The following LRFN2 variants were observed in gnomAD, a reference collection of about 807,000 sequenced individuals.
LRFN2 encodes the protein leucine-rich repeat and fibronectin type-III domain-containing protein 2.
A neutral mutation model predicts 37.3 loss-of-function variants in LRFN2; 18 were observed. That is an observed-to-expected ratio of 0.48 (90% CI 0.33 to 0.72). The LOEUF (loss-of-function observed/expected upper bound fraction) is 0.72. Ranked by LOEUF, LRFN2 falls within the 30% of genes least tolerant of loss-of-function variation. The pLI is 0.02. For missense variants in LRFN2, 1,006 were observed against 1,060.7 expected (o/e 0.95, Z 0.72); for synonymous variants, 556 against 466.6 (o/e 1.19, Z -2.47).
Position 40,433,062 on chromosome 6 carries a change from C to G in LRFN2, c.52G>C (p.Val18Leu), listed in dbSNP as rs1410463203. Residue 18 changes from valine to leucine, a missense_variant, in exon 2 of 3, where the codon GTC becomes CTC. Physicochemically the swap from Val to Leu is conservative, Grantham distance 32 (BLOSUM62 1). Coordinates refer to ENST00000338305, the MANE Select transcript of LRFN2 (RefSeq NM_020737.3). ...ACACAGTACTTGGGGCAGGCGTCGA[C>G]CACGGCAAACGCCATGCCAAACGCT... is the stretch of plus-strand genomic sequence containing the variant. Reference protein sequence around the residue: ...LLAFGMAFAVVDACPKYCVCQ... With the variant: ...LLAFGMAFAVLDACPKYCVCQ... 3 of 1,549,556 alleles carry G rather than the reference C, an allele frequency of 1.9e-6. No individual in the cohort carries two copies. The highest frequency in any genetic ancestry group is 1.3e-5 in the South Asian group (1 of 79,516).
chr6:40,523,364 C>A (rs533649032), intron 1 of LRFN2, among the ~76,000 whole-genome samples: 25 of 152,240 alleles, frequency 1.6e-4, no homozygotes, highest in Middle Eastern at 3.4e-3. Flanking sequence ...ATGGGGCACA[C>A]CCCACCCACG....
intron 1 of LRFN2, among the ~76,000 whole-genome samples, chr6:40,583,843 T>C (rs982550870): frequency 6.6e-6 from 1 of 151,732 alleles, no homozygotes; most frequent in Non-Finnish European, 1.5e-5. Context: ...CTTGGGGGAG[T>C]GGGCAACAGA....
At chr6:40,427,584 T>C (rs1340826152) in intron 2 of LRFN2, among the ~76,000 whole-genome samples, 1 of 152,236 alleles carries the variant, frequency 6.6e-6, no homozygotes, top group Non-Finnish European at 1.5e-5. Flanking sequence ...CCTGAAGACA[T>C]GGTTCAATGA....
At chr6:40,539,239 G>A (rs979511206) in intron 1 of LRFN2, among the ~76,000 whole-genome samples, 5 of 152,152 alleles carry the variant, frequency 3.3e-5, no homozygotes, top group Admixed American at 1.3e-4. Context: ...TTCCTAAACA[G>A]AGCCTTGAAG....
In LRFN2 at chr6:40,532,687, A is replaced by T. The variant is rs576850246; in HGVS notation, c.-19+54254T>A. Among the ~76,000 whole-genome samples, 4 of 152,292 alleles carry T rather than the reference A, an allele frequency of 2.6e-5. No individual in the cohort carries two copies. The South Asian group carries it at 8.3e-4, about 32-fold the overall frequency. ...CCGGATTTCCCAGTCAGAATTAATTAATCTCTCCTCCGTGCACTTTTTCTG... is the reference window on the plus strand; with the variant it reads ...CCGGATTTCCCAGTCAGAATTAATTTATCTCTCCTCCGTGCACTTTTTCTG... On this transcript the variant is annotated intron_variant, in intron 1 of 2. Coordinates refer to ENST00000338305, the MANE Select transcript of LRFN2 (RefSeq NM_020737.3).
chr6:40,497,281 C>T (rs1247213841), intron 1 of LRFN2, among the ~76,000 whole-genome samples: 2 of 152,176 alleles, frequency 1.3e-5, no homozygotes, highest in Non-Finnish European at 2.9e-5. Context: ...TTCTCACCCA[C>T]TGAGGACCCT....
intron 1 of LRFN2, among the ~76,000 whole-genome samples, chr6:40,548,706 G>T (rs1208895726): frequency 6.6e-6 from 1 of 152,182 alleles, no homozygotes; most frequent in African/African-American, 2.4e-5. Flanking sequence ...GGTCCTATCA[G>T]AGTGAAGCTC....
chr6:40,393,164 C>T (rs184707926), intron 2 of LRFN2, among the ~76,000 whole-genome samples: 142 of 150,252 alleles, frequency 9.5e-4, no homozygotes, highest in Non-Finnish European at 1.7e-3. Context: ...AGGCAGGCAA[C>T]AGGAATAGGG....
chr6:40,552,478 G>T (rs1766794236), intron 1 of LRFN2, among the ~76,000 whole-genome samples: 1 of 152,176 alleles, frequency 6.6e-6, no homozygotes, highest in Non-Finnish European at 1.5e-5. Flanking sequence ...CCTGTCACCT[G>T]TGGAAACTGG....
chr6:40,473,279 T>G (rs1764642519), intron 1 of LRFN2, among the ~76,000 whole-genome samples: 1 of 152,160 alleles, frequency 6.6e-6, no homozygotes, highest in East Asian at 1.9e-4. Context: ...TCCTCCCAGC[T>G]TAAATGTCAT....
At chr6:40,517,256 C>A (rs935023073) in intron 1 of LRFN2, 3 of 152,120 alleles carry the variant, frequency 2.0e-5, no homozygotes, top group South Asian at 2.1e-4. Context: ...GACCTCTGTA[C>A]CAAGTAGAAG....
In LRFN2 at chr6:40,392,583, G is replaced by T; in HGVS notation, c.1730C>A (p.Ser577Ter). ...CGGTGGCTGGGCGCCGTTGGTCTGC[G>T]AGTACACATTGCTCACGGCCGCTGC... ...KMAAAVSNVY[S>*]QTNGAQPPPP... Residue 577 changes from serine (S) to a stop codon, truncating the protein, a stop_gained, in exon 3 of 3, where the codon TCG becomes TAG. Transcript: ENST00000338305. LOFTEE classifies it high-confidence loss of function. The surrounding 1 kb of genome is among the most constrained non-coding windows in gnomAD (Gnocchi z 4.7). 1 of 1,607,696 alleles carries T rather than the reference G, an allele frequency of 6.2e-7. No individual in the cohort carries two copies. The highest frequency in any genetic ancestry group is 8.5e-7 in the Non-Finnish European group (1 of 1,179,820).
intron 1 of LRFN2, among the ~76,000 whole-genome samples, chr6:40,480,057 G>C (rs1327131708): frequency 6.6e-6 from 1 of 152,204 alleles, no homozygotes; most frequent in African/African-American, 2.4e-5. Flanking sequence ...AAGGATAAAA[G>C]TGAACACTGA....
intron 1 of LRFN2, among the ~76,000 whole-genome samples, chr6:40,471,242 A>G (rs1764589372): frequency 6.6e-6 from 1 of 152,178 alleles, no homozygotes; most frequent in African/African-American, 2.4e-5. Context: ...TAGAAGGTAC[A>G]GGAAGGCAAC....
In LRFN2 at chr6:40,583,382, T is replaced by A. The variant is rs846530; in HGVS notation, c.-19+3559A>T. 6.1e-3 allele frequency among the ~76,000 whole-genome samples: 936 copies of A among 152,246 alleles called. 10 individuals are homozygous for A. Among genetic ancestry groups the A allele is most frequent in the African/African-American group, 0.021 (884 of 41,562 alleles). ...CCCACCCAATTATGTGAACCACAACTGCCCTGTTTCTGCAGGTTCTTAACA... is the reference window on the plus strand; with the variant it reads ...CCCACCCAATTATGTGAACCACAACAGCCCTGTTTCTGCAGGTTCTTAACA... On this transcript the variant is annotated intron_variant, in intron 1 of 2. Transcript: ENST00000338305.
rs146867135 is a variant in LRFN2 at position 40,397,477 on chromosome 6, G to A, written c.1401-4565C>T. The stretch of plus-strand genomic sequence containing the variant: ...CCTAAAACACAACTCTGGCTGTGTC[G>A]CCTGCCCACTGAGATGCTTCAAGTA... On this transcript the variant is annotated intron_variant, in intron 2 of 2. Coordinates refer to ENST00000338305, the MANE Select transcript of LRFN2 (RefSeq NM_020737.3). Among the ~76,000 whole-genome samples the A allele has an allele frequency of 8.1e-4, 123 of 152,092 alleles. 1 individual carries two copies. The East Asian group carries it at 0.02, about 24-fold the overall frequency.
At chr6:40,494,713 A>G (rs1765181910) in intron 1 of LRFN2, among the ~76,000 whole-genome samples, 1 of 151,938 alleles carries the variant, frequency 6.6e-6, no homozygotes, top group Non-Finnish European at 1.5e-5. Flanking sequence ...CATCATCCAT[A>G]ACACCTCACC....
intron 1 of LRFN2, among the ~76,000 whole-genome samples, chr6:40,574,515 C>T (rs779812439): frequency 5.3e-5 from 8 of 150,682 alleles, no homozygotes; most frequent in African/African-American, 1.2e-4. Context: ...GTGTCCATCA[C>T]GGGGTGGGGG....
chr6:40,529,850 C>T (rs1046149586), intron 1 of LRFN2, among the ~76,000 whole-genome samples: 2 of 152,166 alleles, frequency 1.3e-5, no homozygotes, highest in Non-Finnish European at 2.9e-5. Flanking sequence ...CAGCCTAGTG[C>T]CTGGCACACT....
Sources: allele counts gnomAD v4.1 joint callset (sites outside exome capture counted in the v4.1 genomes callset), GRCh38; gene constraint gnomAD v4.1.1; non-coding constraint Gnocchi (gnomAD v3.1); transcripts MANE v1.5; gene names NCBI Gene and HGNC (gene_info 2026-07-23, HGNC 2026-07-21).